The following AKAP11 variants were observed in gnomAD, a reference collection of about 807,000 sequenced individuals.
AKAP11 encodes A-kinase anchoring protein 11.
In AKAP11, 36 loss-of-function variants were observed where a neutral mutation model predicts 146.1. The ratio of observed to expected loss-of-function variants is 0.25; its 90% CI spans 0.19 to 0.33. AKAP11 has a LOEUF of 0.33. AKAP11 is among the 10% of genes least tolerant of loss of function. The pLI is 1.00. For synonymous variants in AKAP11, 780 were observed against 786.5 expected, an observed-to-expected ratio of 0.99 and a Z score of 0.14; for missense variants, 2,201 against 2,197.0, an observed-to-expected ratio of 1.00 and a Z score of -0.04.
At chr13:42,286,745 T>A (rs975521375) in intron 3 of AKAP11, among the ~76,000 whole-genome samples, 1 of 152,230 alleles carries the variant, frequency 6.6e-6, no homozygotes, top group East Asian at 1.9e-4. Context: ...TGAGTTCTTA[T>A]AAGCCAGACC....
chr13:42,302,767 G>A lies in AKAP11; in HGVS notation c.4021G>A (p.Val1341Met). Residue 1341 changes from valine to methionine, a missense_variant, in exon 8 of 13, where the codon GTG becomes ATG. Transcript: ENST00000025301. ...GTATAAGTATCCCAGCTGTGAAAGT[G>A]TGACAGATGAATATGCAGGTCACCT... Reference protein sequence around the residue: ...LMYKYPSCESVTDEYAGHLIQ... With the variant: ...LMYKYPSCESMTDEYAGHLIQ... The A allele has an allele frequency of 1.9e-6, 3 of 1,614,140 alleles. No individual in the cohort carries two copies. Among genetic ancestry groups the A allele is most frequent in the South Asian group, 1.1e-5 (1 of 91,074 alleles).
At chr13:42,272,013 G>T, upstream of AKAP11, 1 of 151,328 alleles carries the variant, frequency 6.6e-6, no homozygotes, top group South Asian at 1.8e-4. Flanking sequence ...GAGAGAGAGT[G>T]GGAGGCGTGG....
At position 42,280,717 on chromosome 13, in the gene AKAP11, G is replaced by C. The variant is rs1277863638; in HGVS notation, c.-99-5269G>C. 2.6e-5 allele frequency among the ~76,000 whole-genome samples: 4 copies of C among 152,158 alleles called. No individual in the cohort carries two copies. The East Asian group carries it at 7.7e-4, about 29-fold the overall frequency. Reference sequence around the variant, plus strand: ...AGCACAAAGGAGGTGGTTACTATTTGGGCAAGGAGGGATAAAGGAGAGATA... The same window carrying C: ...AGCACAAAGGAGGTGGTTACTATTTCGGCAAGGAGGGATAAAGGAGAGATA... On this transcript the variant is annotated intron_variant, in intron 1 of 12. Coordinates refer to ENST00000025301, the MANE Select transcript of AKAP11 (RefSeq NM_016248.4).
intron 4 of AKAP11, among the ~76,000 whole-genome samples, chr13:42,294,309 G>GAAA (rs1959375602): frequency 6.6e-6 from 1 of 151,912 alleles, no homozygotes. Context: ...TCTTCAAATG[G>GAAA]AAAAAATGTC....
intron 1 of AKAP11, among the ~76,000 whole-genome samples, chr13:42,273,825 G>C (rs981786334): frequency 6.6e-5 from 10 of 152,102 alleles, no homozygotes; most frequent in Non-Finnish European, 1.3e-4. Context: ...GGAACTTACT[G>C]TCTGGAAAAG....
intron 3 of AKAP11, among the ~76,000 whole-genome samples, chr13:42,292,168 C>T (rs932819167): frequency 6.6e-6 from 1 of 152,098 alleles, no homozygotes; most frequent in African/African-American, 2.4e-5. Context: ...GCCCAGGCTC[C>T]AGTAGTATGT....
intron 1 of AKAP11, among the ~76,000 whole-genome samples, chr13:42,283,388 T>TC (rs1594304003): frequency 6.6e-6 from 1 of 152,310 alleles, no homozygotes; most frequent in South Asian, 2.1e-4. Flanking sequence ...TGTCTGGATT[T>TC]TTTCTTTTTA....
At chr13:42,294,806 G>A (rs929504342) in intron 4 of AKAP11, among the ~76,000 whole-genome samples, 1 of 151,890 alleles carries the variant, frequency 6.6e-6, no homozygotes, top group African/African-American at 2.4e-5. Flanking sequence ...GGAAAAGAAT[G>A]GGAAAAAAAT....
intron 4 of AKAP11, among the ~76,000 whole-genome samples, chr13:42,292,763 A>G (rs140550437): frequency 2.4e-4 from 36 of 152,326 alleles, no homozygotes; most frequent in African/African-American, 8.4e-4. Context: ...AATTGGATAT[A>G]TAGCATTACA....
chr13:42,315,853 T>A (rs1023357111), intron 11 of AKAP11, among the ~76,000 whole-genome samples: 1 of 152,214 alleles, frequency 6.6e-6, no homozygotes, highest in Non-Finnish European at 1.5e-5. Flanking sequence ...GCAACAAACT[T>A]ATTTTTTTAA....
At chr13:42,282,900 A>G (rs964877824) in intron 1 of AKAP11, among the ~76,000 whole-genome samples, 3 of 152,238 alleles carry the variant, frequency 2.0e-5, no homozygotes, top group African/African-American at 7.2e-5. Context: ...TTCTTCATCC[A>G]GAATAGGGCA....
intron 1 of AKAP11, among the ~76,000 whole-genome samples, chr13:42,275,800 A>G (rs1958901486): frequency 6.6e-6 from 1 of 152,184 alleles, no homozygotes; most frequent in South Asian, 2.1e-4. Flanking sequence ...ATGTAAAGCA[A>G]TTAAACAGTG....
intron 6 of AKAP11, among the ~76,000 whole-genome samples, chr13:42,297,565 A>G (rs1481735068): frequency 6.6e-6 from 1 of 151,960 alleles, no homozygotes; most frequent in Non-Finnish European, 1.5e-5. Context: ...TAGAGAATGT[A>G]CTTCAGTTCA....
chr13:42,280,848 A>G (rs1210631572), intron 1 of AKAP11, among the ~76,000 whole-genome samples: 1 of 152,200 alleles, frequency 6.6e-6, no homozygotes, highest in Non-Finnish European at 1.5e-5. Context: ...GAAGTTTAGG[A>G]GAATGACAAG....
chr13:42,305,537 G>GA (rs1398997060), intron 8 of AKAP11, among the ~76,000 whole-genome samples: 2 of 151,878 alleles, frequency 1.3e-5, no homozygotes, highest in African/African-American at 2.4e-5. Flanking sequence ...TTTAATGGTT[G>GA]AAAAAAATCA....
rs1961108771 is a variant in AKAP11, at chr13:42,322,033, T to A, written c.*2805T>A. On this transcript the variant is annotated 3_prime_UTR_variant, in exon 13 of 13. Coordinates refer to ENST00000025301, the MANE Select transcript of AKAP11 (RefSeq NM_016248.4). The stretch of plus-strand genomic sequence containing the variant: ...ATATTTTGGTGTTAAGGTTGATTTT[T>A]AAGATACTTCTGATTTGTACAAAAG... 1 of 152,296 alleles carries A rather than the reference T, an allele frequency of 6.6e-6. No individual in the cohort carries two copies. Among genetic ancestry groups the A allele is most frequent in the Admixed American group, 6.5e-5 (1 of 15,284 alleles). 9.4% of individuals were successfully genotyped at this position (152,296 alleles called of 1,614,324 possible). A position where few individuals can be genotyped will look rare whatever the true frequency, so the allele number is the denominator to read the frequency against.
chr13:42,303,410 C>T lies in AKAP11; in HGVS notation c.4664C>T (p.Thr1555Ile). The T allele has an allele frequency of 6.2e-7, 1 of 1,614,046 alleles. No homozygotes were observed. The highest frequency in any genetic ancestry group is 1.1e-5 in the South Asian group (1 of 91,078). ...KKVVDDTLEL[T>I]LGSTVFRVSE... ...GTAGTGGATGACACTCTAGAGCTAA[C>T]TCTAGGATCTACAGTGTTCCGAGTG... Residue 1555 changes from threonine (T) to isoleucine (I), a missense_variant, in exon 8 of 13, where the codon ACT (threonine) becomes ATT (isoleucine). Physicochemically the swap from Thr to Ile is moderately conservative, Grantham distance 89. Coordinates refer to ENST00000025301, the MANE Select transcript of AKAP11 (RefSeq NM_016248.4).
intron 1 of AKAP11, among the ~76,000 whole-genome samples, chr13:42,277,103 T>C (rs1408451476): frequency 6.6e-6 from 1 of 152,244 alleles, no homozygotes; most frequent in Non-Finnish European, 1.5e-5. Context: ...ATTTTAATTA[T>C]AGCATATCAT....
At chr13:42,305,652 G>A (rs1235813214) in intron 8 of AKAP11, among the ~76,000 whole-genome samples, 1 of 152,172 alleles carries the variant, frequency 6.6e-6, no homozygotes, top group East Asian at 1.9e-4. Context: ...ACATTTCTGT[G>A]GCTGCCTTTG....
Sources: gnomAD v4.1 joint callset for allele counts (sites outside exome capture counted in the v4.1 genomes callset) on GRCh38, gnomAD v4.1.1 for gene constraint, MANE v1.5 for transcripts, NCBI Gene and HGNC (gene_info 2026-07-23, HGNC 2026-07-21) for gene names.